The following HS6ST3 variants were observed in gnomAD, a reference collection of about 807,000 sequenced individuals.
HS6ST3 encodes heparan-sulfate 6-O-sulfotransferase 3.
HS6ST3 carries 12 observed loss-of-function variants against 36.7 expected under a neutral mutation model. The ratio of observed to expected loss-of-function variants is 0.33; its 90% CI spans 0.21 to 0.53. HS6ST3 has a LOEUF of 0.53. Ranked by LOEUF, HS6ST3 falls within the 20% of genes least tolerant of loss-of-function variation. The probability of loss-of-function intolerance (pLI) is 0.95; values close to 1 mark genes in which losing one functional copy is unlikely to be tolerated. For missense variants in HS6ST3, 584 were observed against 640.9 expected (o/e 0.91, Z 0.96); for synonymous variants, 240 against 257.5 (o/e 0.93, Z 0.65).
At chr13:96,730,177 T>A (rs538536650) in intron 1 of HS6ST3, among the ~76,000 whole-genome samples, 8 of 152,346 alleles carry the variant, frequency 5.3e-5, no homozygotes, top group Admixed American at 1.3e-4. Flanking sequence ...CAGGTCTTTT[T>A]CCAGATCATT....
intron 1 of HS6ST3, among the ~76,000 whole-genome samples, chr13:96,684,498 C>G (rs933159035): frequency 1.3e-5 from 2 of 152,106 alleles, no homozygotes; most frequent in Admixed American, 1.3e-4. Flanking sequence ...TTAGAGGCTT[C>G]TCCGAAACTC....
chr13:96,686,621 G>T (rs937983270), intron 1 of HS6ST3, among the ~76,000 whole-genome samples: 7 of 151,954 alleles, frequency 4.6e-5, no homozygotes, highest in Non-Finnish European at 8.8e-5. Flanking sequence ...GTATGACAGC[G>T]GGCCTATGTG....
At chr13:96,799,358 C>T (rs1877985858) in intron 1 of HS6ST3, among the ~76,000 whole-genome samples, 1 of 152,030 alleles carries the variant, frequency 6.6e-6, no homozygotes, top group Non-Finnish European at 1.5e-5. Flanking sequence ...TCTCTGATGG[C>T]CAGTGATGGT....
chr13:96,395,389 T>G (rs953266768), intron 1 of HS6ST3, among the ~76,000 whole-genome samples: 6 of 152,198 alleles, frequency 3.9e-5, no homozygotes, highest in Non-Finnish European at 8.8e-5. Flanking sequence ...GCTCCCGCAC[T>G]AAGTCTGCTG....
intron 1 of HS6ST3, among the ~76,000 whole-genome samples, chr13:96,662,219 C>T (rs1780537799): frequency 6.6e-6 from 1 of 152,130 alleles, no homozygotes; most frequent in African/African-American, 2.4e-5. Flanking sequence ...CTTCTTCTGT[C>T]TCAGGAATGC....
At chr13:96,721,023 C>A (rs530503046) in intron 1 of HS6ST3, among the ~76,000 whole-genome samples, 1 of 152,148 alleles carries the variant, frequency 6.6e-6, no homozygotes, top group Non-Finnish European at 1.5e-5. Context: ...GAAAGACTTA[C>A]GTGAGCAGAT....
At chr13:96,760,189 C>T (rs1291781973) in intron 1 of HS6ST3, among the ~76,000 whole-genome samples, 2 of 151,842 alleles carry the variant, frequency 1.3e-5, no homozygotes, top group Non-Finnish European at 2.9e-5. Context: ...TATTGCACTA[C>T]CATGGGAACA....
chr13:96,704,276 G>A (rs1875363116), intron 1 of HS6ST3, among the ~76,000 whole-genome samples: 1 of 152,138 alleles, frequency 6.6e-6, no homozygotes, highest in Non-Finnish European at 1.5e-5. Context: ...TATAGTGTCT[G>A]TCTCCTGTTT....
chr13:96,376,068 A>G (rs943314017), intron 1 of HS6ST3, among the ~76,000 whole-genome samples: 5 of 152,166 alleles, frequency 3.3e-5, no homozygotes, highest in Non-Finnish European at 7.3e-5. Context: ...GGAACCCCGA[A>G]TGATCAACAT....
chr13:96,248,868 G>C (rs149998813), intron 1 of HS6ST3, among the ~76,000 whole-genome samples: 1 of 152,182 alleles, frequency 6.6e-6, no homozygotes, highest in South Asian at 2.1e-4. Context: ...ATAGTAGCCT[G>C]TGCTAGTCAA....
intron 1 of HS6ST3, among the ~76,000 whole-genome samples, chr13:96,186,663 G>A (rs921079126): frequency 2.0e-5 from 3 of 152,054 alleles, no homozygotes; most frequent in Non-Finnish European, 4.4e-5. Context: ...TATTATTTTT[G>A]ACTCTGTGGG....
At chr13:96,168,828 G>A (rs954806258) in intron 1 of HS6ST3, among the ~76,000 whole-genome samples, 2 of 152,106 alleles carry the variant, frequency 1.3e-5, no homozygotes, top group Non-Finnish European at 2.9e-5. Context: ...ACATAGATAT[G>A]TTGGGTAATG....
chr13:96,178,687 C>G (rs2054224360), intron 1 of HS6ST3, among the ~76,000 whole-genome samples: 1 of 152,072 alleles, frequency 6.6e-6, no homozygotes, highest in Admixed American at 6.6e-5. Context: ...CTCTCTGTTT[C>G]TAAGCATCAT....
chr13:96,814,621 A>G (rs983947304), intron 1 of HS6ST3, among the ~76,000 whole-genome samples: 3 of 151,470 alleles, frequency 2.0e-5, no homozygotes, highest in Non-Finnish European at 4.4e-5. Flanking sequence ...TTTGCTCTCT[A>G]TTGGGGATTT....
chr13:96,678,742 C>T (rs1566427724), intron 1 of HS6ST3, among the ~76,000 whole-genome samples: 2 of 151,986 alleles, frequency 1.3e-5, no homozygotes, highest in South Asian at 2.1e-4. Context: ...GACTCAAAAG[C>T]AATGTGAAGA....
intron 1 of HS6ST3, among the ~76,000 whole-genome samples, chr13:96,559,126 T>TATC: frequency 6.8e-6 from 1 of 147,466 alleles, no homozygotes; most frequent in Admixed American, 6.8e-5. Context: ...ATCTATCTAT[T>TATC]TATTTATTGA....
At chr13:96,538,631 A>G (rs1350608394) in intron 1 of HS6ST3, among the ~76,000 whole-genome samples, 2 of 151,786 alleles carry the variant, frequency 1.3e-5, no homozygotes, top group East Asian at 1.9e-4. Context: ...TTTGGTAGAG[A>G]TGGGGTTTTG....
At chr13:96,112,574 AATAAATATATATATATATATATAT>A (rs2053873588) in intron 1 of HS6ST3, among the ~76,000 whole-genome samples, 3 of 43,558 alleles carry the variant, frequency 6.9e-5, no homozygotes, top group Non-Finnish European at 5.0e-5. Flanking sequence ...CTCTAAAATA[AATAAATATATATATATATATATAT>A]ATATATATAT....
At chr13:96,740,304 C>T (rs1346830539) in intron 1 of HS6ST3, among the ~76,000 whole-genome samples, 1 of 152,044 alleles carries the variant, frequency 6.6e-6, no homozygotes, top group Non-Finnish European at 1.5e-5. Flanking sequence ...ATGTGCATGG[C>T]ATAGTTCTGG....
Sources: gnomAD v4.1 joint callset for allele counts (sites outside exome capture counted in the v4.1 genomes callset) on GRCh38, gnomAD v4.1.1 for gene constraint, MANE v1.5 for transcripts, NCBI Gene and HGNC (gene_info 2026-07-23, HGNC 2026-07-21) for gene names.